Variants in LPAR5 observed in about 807,000 individuals in gnomAD.
The protein encoded by LPAR5 is G protein-coupled receptor 92.
For synonymous variants in LPAR5, 271 were observed against 261.6 expected, an observed-to-expected ratio of 1.04 and a Z score of -0.35; for missense variants, 544 against 521.8, an observed-to-expected ratio of 1.04 and a Z score of -0.41.
rs1392139335 is a variant in LPAR5 at position 6,620,355 on chromosome 12, G to A, written c.894C>T (p.Tyr298=). ...ANCVLDPLVY[Y]FSAEGFRNTL... ...TGTTGCGGAAGCCCTCGGCGCTAAA[G>A]TAGTACACCAGCGGGTCCAGCACGC... The change falls in exon 2 of 2, where the codon TAC becomes TAT. Residue 298 remains tyrosine (Y), a synonymous_variant. Transcript: ENST00000329858. The surrounding 1 kb of genome is among the most constrained non-coding windows in gnomAD (Gnocchi z 6.8). 1.2e-6 allele frequency: 2 copies of A among 1,611,602 alleles called. No homozygotes were observed. Among genetic ancestry groups the A allele is most frequent in the South Asian group, 1.1e-5 (1 of 90,978 alleles).
At position 6,621,042 on chromosome 12, in the gene LPAR5, C is replaced by T. The variant is rs1948890882; in HGVS notation, c.207G>A (p.Leu69=). The change falls in exon 2 of 2, where the codon CTG becomes CTA. Residue 69 remains leucine (L), a synonymous_variant. Transcript: ENST00000329858. ...GAACGGGCAGCGAGAGGGTGAAGAGCAGGTCGCTGGCCGCCAGGTTACACA... is the reference window on the plus strand; with the variant it reads ...GAACGGGCAGCGAGAGGGTGAAGAGTAGGTCGCTGGCCGCCAGGTTACACA... ...VYMCNLAASD[L]LFTLSLPVRL... is the part of the protein sequence containing the mutation. The T allele has an allele frequency of 6.2e-7, 1 of 1,607,010 alleles. No individual in the cohort carries two copies. Among genetic ancestry groups the T allele is most frequent in the Non-Finnish European group, 8.5e-7 (1 of 1,175,688 alleles).
intron 1 of LPAR5, 43 bp from the exon 2 acceptor site, chr12:6,621,507 T>C (rs1222246890): frequency 2.6e-6 from 1 of 377,686 alleles, no homozygotes; most frequent in Non-Finnish European, 4.9e-6. Flanking sequence ...GAGACAGGGC[T>C]GCACACACAA....
chr12:6,632,824 C>T (rs1207143119), intron 1 of LPAR5, among the ~76,000 whole-genome samples: 3 of 152,140 alleles, frequency 2.0e-5, no homozygotes, highest in African/African-American at 4.8e-5. Context: ...CCAGGGTGGG[C>T]GGGGAGGCCT....
At chr12:6,628,428 G>T (rs1948958462) in intron 1 of LPAR5, among the ~76,000 whole-genome samples, 1 of 150,890 alleles carries the variant, frequency 6.6e-6, no homozygotes, top group East Asian at 2.1e-4. Context: ...AGAACCTCAA[G>T]TCTGTCTTTC....
At position 6,624,868 on chromosome 12, in the gene LPAR5, G is replaced by A. The variant is rs184003653; in HGVS notation, c.-216-3404C>T. Among the ~76,000 whole-genome samples the A allele has an allele frequency of 3.4e-3, 512 of 151,846 alleles. 2 individuals carry two copies. The highest frequency in any genetic ancestry group is 0.012 in the African/African-American group (494 of 41,460). Reference sequence around the variant, plus strand: ...CTCCTGACCTCAGGTGATCCACCCGGCTCGGCCTCCCAAAGTGCTGGGATT... The same window carrying A: ...CTCCTGACCTCAGGTGATCCACCCGACTCGGCCTCCCAAAGTGCTGGGATT... On this transcript the variant is annotated intron_variant, in intron 1 of 1. Transcript: ENST00000329858.
chr12:6,620,169 CAG>C lies in LPAR5; in HGVS notation c.1078_1079del (p.Leu360ValfsTer81), dbSNP rs779855807. ...GLLRPSDSHSLSSFTQCPQDS... is the reference protein window; with the variant it reads ...GLLRPSDSHSXSSFTQCPQDS... ...CCTGGGGACACTGTGTGAAGGAAGA[CAG>C]AGAGTGGGAGTCGGAGGGTCGGAGC... On this transcript the variant is annotated frameshift_variant, in exon 2 of 2. Transcript: ENST00000329858. LOFTEE classifies it low-confidence loss of function (END_TRUNC). This position sits in a 1 kb window ranked among gnomAD's most constrained non-coding sequence, Gnocchi z 6.8. The C allele has an allele frequency of 1.4e-5, 23 of 1,613,310 alleles. No homozygotes were observed. The highest frequency in any genetic ancestry group is 1.7e-5 in the Non-Finnish European group (20 of 1,179,568).
At chr12:6,624,623 T>A (rs1468949695) in intron 1 of LPAR5, among the ~76,000 whole-genome samples, 2 of 152,232 alleles carry the variant, frequency 1.3e-5, no homozygotes, top group African/African-American at 4.8e-5. Context: ...TTTTTTCTTT[T>A]CCGTTTTTTT....
At chr12:6,631,132 G>A (rs963435240) in intron 1 of LPAR5, among the ~76,000 whole-genome samples, 16 of 152,162 alleles carry the variant, frequency 1.1e-4, no homozygotes, top group Non-Finnish European at 2.4e-4. Flanking sequence ...GAGGGACATG[G>A]AGGCCCCCAT....
At chr12:6,623,112 C>T (rs983137199) in intron 1 of LPAR5, among the ~76,000 whole-genome samples, 68 of 152,132 alleles carry the variant, frequency 4.5e-4, no homozygotes, top group African/African-American at 1.5e-3. Flanking sequence ...GTGGCATGCA[C>T]CTGTAGTCCC....
At chr12:6,625,587 G>T (rs1360401119) in intron 1 of LPAR5, among the ~76,000 whole-genome samples, 1 of 151,498 alleles carries the variant, frequency 6.6e-6, no homozygotes, top group Non-Finnish European at 1.5e-5. Context: ...GCTGAGCGTG[G>T]TGGTGGGCGC....
chr12:6,629,259 C>G (rs922562067), intron 1 of LPAR5, among the ~76,000 whole-genome samples: 1 of 151,474 alleles, frequency 6.6e-6, no homozygotes, highest in African/African-American at 2.4e-5. Flanking sequence ...GCCTGTAATC[C>G]CAGCTACTCG....
intron 1 of LPAR5, among the ~76,000 whole-genome samples, chr12:6,624,412 T>C (rs1274299813): frequency 1.3e-5 from 2 of 152,258 alleles, no homozygotes; most frequent in Non-Finnish European, 2.9e-5. Context: ...GCAACAACTC[T>C]GCAGTCATTA....
chr12:6,631,556 T>G (rs1335691900), intron 1 of LPAR5: 1 of 152,522 alleles, frequency 6.6e-6, no homozygotes, highest in African/African-American at 2.4e-5. Context: ...CAGCTTCCCA[T>G]GTACACATCC....
chr12:6,630,121 G>T (rs989968732), intron 1 of LPAR5, among the ~76,000 whole-genome samples: 1 of 151,952 alleles, frequency 6.6e-6, no homozygotes, highest in African/African-American at 2.4e-5. Flanking sequence ...AAGGGGAGAA[G>T]TTCTTGGGTT....
intron 1 of LPAR5, among the ~76,000 whole-genome samples, chr12:6,634,068 T>C (rs1430272354): frequency 6.0e-5 from 9 of 151,074 alleles, no homozygotes; most frequent in African/African-American, 1.9e-4. Flanking sequence ...TGCAGTGGTG[T>C]GATCTCAGCT....
rs775791481 is a variant in LPAR5, at chr12:6,620,244, G to T, written c.1005C>A (p.Ser335=). The change falls in exon 2 of 2, where the codon TCC becomes TCA. Residue 335 remains serine (S), a synonymous_variant. Transcript: ENST00000329858. This position sits in a 1 kb window ranked among gnomAD's most constrained non-coding sequence, Gnocchi z 6.8. ...TRAALAQSER[S]AVTTDATRPD... is the part of the protein sequence containing the mutation. ...GCCTGGTGGCGTCGGTGGTGACGGC[G>T]GACCTTTCGGATTGCGCGAGCGCCG... is the stretch of plus-strand genomic sequence containing the variant. 7 of 1,610,456 alleles carry T rather than the reference G, an allele frequency of 4.3e-6. No individual in the cohort carries two copies. The highest frequency in any genetic ancestry group is 5.9e-6 in the Non-Finnish European group (7 of 1,178,412).
chr12:6,623,628 CTTCCT>C (rs1472116516), intron 1 of LPAR5, among the ~76,000 whole-genome samples: 2 of 152,164 alleles, frequency 1.3e-5, no homozygotes, highest in Non-Finnish European at 2.9e-5. Context: ...CTCAAGATCT[CTTCCT>C]TCCTTCTTTC....
At chr12:6,635,294 A>G (rs1365324005) in intron 1 of LPAR5, among the ~76,000 whole-genome samples, 2 of 152,206 alleles carry the variant, frequency 1.3e-5, no homozygotes, top group East Asian at 3.9e-4. Flanking sequence ...CATCCCCTGA[A>G]GCCACCATCT....
chr12:6,634,153 G>A (rs373071783), intron 1 of LPAR5, among the ~76,000 whole-genome samples: 5 of 152,076 alleles, frequency 3.3e-5, no homozygotes, highest in African/African-American at 1.2e-4. Context: ...CTATAGGTGC[G>A]TGCCACCGTG....
Sources: allele counts gnomAD v4.1 joint callset (sites outside exome capture counted in the v4.1 genomes callset), GRCh38; gene constraint gnomAD v4.1.1; non-coding constraint Gnocchi (gnomAD v3.1); transcripts MANE v1.5; gene names NCBI Gene and HGNC (gene_info 2026-07-23, HGNC 2026-07-21).